The following FLOT1 variants were observed in gnomAD, a reference collection of about 807,000 sequenced individuals.
The protein encoded by FLOT1 is flotillin-1.
In FLOT1, 40 loss-of-function variants were observed where a neutral mutation model predicts 58.4. That is an observed-to-expected ratio of 0.69 (90% CI 0.53 to 0.89). The LOEUF (loss-of-function observed/expected upper bound fraction) is 0.89. FLOT1 is among the 40% of genes least tolerant of loss of function. The pLI is 0.00. For synonymous variants in FLOT1, 178 were observed against 204.2 expected (o/e 0.87, Z 1.09); for missense variants, 423 against 540.8 (o/e 0.78, Z 2.16).
rs917185940 is a variant in FLOT1 at position 30,740,416 on chromosome 6, T to G, written c.570+80A>C. The G allele has an allele frequency of 4.8e-5, 77 of 1,589,504 alleles. No homozygotes were observed. In the Admixed American group the frequency reaches 1.3e-3, roughly 26 times the overall value. ...CTCTTTCTGCCTCATGTATTTTCCC[T>G]GCTCACCCAGCACCCCTGCTTCTTC... is the stretch of plus-strand genomic sequence containing the variant. On this transcript the variant is annotated intron_variant, in intron 7 of 12. Transcript: ENST00000376389.
chr6:30,741,631 C>T lies in FLOT1; in HGVS notation c.193G>A (p.Val65Ile). The part of the protein sequence containing the change: ...VYTRHGVPIS[V>I]TGIAQVKIQG... ...AGCTTCACCTGGGCAATGCCAGTGA[C>T]TGAGATGGGGACCCCATGGCGAGTG... The change falls in exon 4 of 13, where the codon GTC becomes ATC. Residue 65 changes from valine (V) to isoleucine (I), a missense_variant. By Grantham distance (29) the Val-to-Ile change is conservative. Coordinates refer to ENST00000376389, the MANE Select transcript of FLOT1 (RefSeq NM_005803.4). The surrounding 1 kb of genome is among the most constrained non-coding windows in gnomAD (Gnocchi z 5.9). 6.2e-7 allele frequency: 1 copy of T among 1,612,338 alleles called. No individual in the cohort carries two copies. Among genetic ancestry groups the T allele is most frequent in the Non-Finnish European group, 8.5e-7 (1 of 1,179,662 alleles).
chr6:30,741,123 C>G lies in FLOT1; in HGVS notation c.354+67G>C. The G allele has an allele frequency of 6.4e-7, 1 of 1,563,872 alleles. No homozygotes were observed. Among genetic ancestry groups the G allele is most frequent in the Non-Finnish European group, 8.8e-7 (1 of 1,140,474 alleles). On this transcript the variant is annotated intron_variant, in intron 5 of 12. Coordinates refer to ENST00000376389, the MANE Select transcript of FLOT1 (RefSeq NM_005803.4). This position sits in a 1 kb window ranked among gnomAD's most constrained non-coding sequence, Gnocchi z 5.9. Reference sequence around the variant, plus strand: ...TCTTGGATCCACTGTCTCTCACAGACTAGTGTGGGCCTTGGGCCCCCCTCA... The same window carrying G: ...TCTTGGATCCACTGTCTCTCACAGAGTAGTGTGGGCCTTGGGCCCCCCTCA...
Position 30,741,854 on chromosome 6 carries a change from G to A in FLOT1, c.57C>T (p.Ser19=). 2 of 1,612,626 alleles carry A rather than the reference G, an allele frequency of 1.2e-6. No individual in the cohort carries two copies. Among genetic ancestry groups the A allele is most frequent in the East Asian group, 4.5e-5 (2 of 44,894 alleles). Residue 19 remains serine (S), a synonymous_variant, in exon 3 of 13, where the codon AGC becomes AGT. Transcript: ENST00000376389. The surrounding 1 kb of genome is among the most constrained non-coding windows in gnomAD (Gnocchi z 5.9). ...GCCCTCCAGCCACCATGACTGGGGGGCTTCGGCAGAACCCTGCAAGGTGTG... is the reference window on the plus strand; with the variant it reads ...GCCCTCCAGCCACCATGACTGGGGGACTTCGGCAGAACCCTGCAAGGTGTG... The part of the protein sequence containing the change: ...EAMVVSGFCR[S]PPVMVAGGRV...
At chr6:30,740,834 G>GTTTTTTTTTT in intron 5 of FLOT1, 36 bp from the exon 6 acceptor site, 23 of 1,313,900 alleles carry the variant, frequency 1.8e-5, no homozygotes, top group East Asian at 2.8e-5. Context: ...AGGGATGTAA[G>GTTTTTTTTTT]TTTTTTTTTT....
intron 11 of FLOT1, 44 bp downstream of exon 11, chr6:30,730,382 CCT>C: frequency 6.5e-7 from 1 of 1,538,034 alleles, no homozygotes; most frequent in African/African-American, 1.4e-5. Context: ...CCCCTTAGTC[CCT>C]GGTTCTATTT....
chr6:30,730,567 T>A lies in FLOT1; in HGVS notation c.952-2A>T. ...AAAGGCCTCAGCTTCCCCACGCATC[T>A]GAGGGTTAAGGATGCTTGTGAGATT... On this transcript the variant is annotated splice_acceptor_variant, in intron 10 of 12. Transcript: ENST00000376389. LOFTEE classifies it high-confidence loss of function. The A allele has an allele frequency of 6.2e-7, 1 of 1,612,218 alleles. No individual in the cohort carries two copies. Among genetic ancestry groups the A allele is most frequent in the South Asian group, 1.1e-5 (1 of 90,966 alleles).
In FLOT1 at chr6:30,742,358, A is replaced by G. The variant is rs10947089; in HGVS notation, c.-14-155T>C. The G allele has an allele frequency of 0.052, 33,937 of 647,380 alleles. 1,591 individuals carry two copies. Among genetic ancestry groups the G allele is most frequent in the African/African-American group, 0.16 (8,561 of 54,416 alleles). The allele number at this position is 647,380 out of a possible 1,614,324, so 40.1% of individuals were successfully genotyped here. A position where few individuals can be genotyped will look rare whatever the true frequency, so the allele number is the denominator to read the frequency against. Reference sequence around the variant, plus strand: ...CATGGGTCCGCTAAGGCTTTTCCCTACAAAATCCTTAAGATCCCCAGCTAC... The same window carrying G: ...CATGGGTCCGCTAAGGCTTTTCCCTGCAAAATCCTTAAGATCCCCAGCTAC... On this transcript the variant is annotated intron_variant, in intron 1 of 12. Transcript: ENST00000376389. This position sits in a 1 kb window ranked among gnomAD's most constrained non-coding sequence, Gnocchi z 5.2.
At chr6:30,730,857 A>C (rs1777127627) in intron 9 of FLOT1, 62 bp downstream of exon 9, 2 of 1,602,108 alleles carry the variant, frequency 1.2e-6, no homozygotes, top group Non-Finnish European at 8.5e-7. Flanking sequence ...AGGCTTCAGC[A>C]CTCCATCTTG....
At chr6:30,729,574 C>T (rs907289971) in intron 12 of FLOT1, among the ~76,000 whole-genome samples, 4 of 152,274 alleles carry the variant, frequency 2.6e-5, no homozygotes, top group Admixed American at 1.3e-4. Context: ...AGCTAGGATT[C>T]GCAACAAAAC....
chr6:30,737,246 G>GTCCGTCCGTCCGTCCA lies in FLOT1; in HGVS notation c.723+2911_723+2912insTGGACGGACGGACGGA, dbSNP rs1554208614. The stretch of plus-strand genomic sequence containing the variant: ...CGTCCGTCCGTCCGTCCGTCCGTCC[G>GTCCGTCCGTCCGTCCA]TCCATCCGTCCATCCATCCATCCAT... On this transcript the variant is annotated intron_variant, in intron 8 of 12. Transcript: ENST00000376389. This position sits in a 1 kb window ranked among gnomAD's most constrained non-coding sequence, Gnocchi z 4.4. Among the ~76,000 whole-genome samples the GTCCGTCCGTCCGTCCA allele has an allele frequency of 2.1e-5, 3 of 145,398 alleles. No homozygotes were observed. The highest frequency in any genetic ancestry group is 7.7e-5 in the African/African-American group (3 of 38,996).
chr6:30,740,924 T>C, intron 5 of FLOT1, 126 bp from the exon 6 acceptor site: 1 of 1,353,696 alleles, frequency 7.4e-7, no homozygotes, highest in Non-Finnish European at 9.8e-7. Flanking sequence ...GTAGCTGGGA[T>C]TACCGACACC....
chr6:30,728,020 A>G lies in FLOT1; in HGVS notation c.*96T>C. ...GATGAGGGGTGGGACCTCACTGTCA[A>G]TGGACATGCTCAGGGAGGCCAGTGG... On this transcript the variant is annotated 3_prime_UTR_variant, in exon 13 of 13. Coordinates refer to ENST00000376389, the MANE Select transcript of FLOT1 (RefSeq NM_005803.4). The G allele has an allele frequency of 3.5e-6, 4 of 1,148,696 alleles. No homozygotes were observed. The South Asian group carries it at 3.7e-5, about 11-fold the overall frequency. 71.2% of individuals were successfully genotyped at this position (1,148,696 alleles called of 1,614,324 possible). A position where few individuals can be genotyped will look rare whatever the true frequency, so the allele number is the denominator to read the frequency against.
In FLOT1 at chr6:30,737,242, G is replaced by GTCCATCCATCCATCCATCCATCCATCCA. The variant is rs146050958; in HGVS notation, c.723+2915_723+2916insTGGATGGATGGATGGATGGATGGATGGA. Among the ~76,000 whole-genome samples the GTCCATCCATCCATCCATCCATCCATCCA allele has an allele frequency of 3.4e-5, 5 of 145,848 alleles. No individual in the cohort carries two copies. Among genetic ancestry groups the GTCCATCCATCCATCCATCCATCCATCCA allele is most frequent in the Admixed American group, 1.4e-4 (2 of 14,572 alleles). ...CGTCCGTCCGTCCGTCCGTCCGTCC[G>GTCCATCCATCCATCCATCCATCCATCCA]TCCGTCCATCCGTCCATCCATCCAT... is the stretch of plus-strand genomic sequence containing the variant. On this transcript the variant is annotated intron_variant, in intron 8 of 12. Coordinates refer to ENST00000376389, the MANE Select transcript of FLOT1 (RefSeq NM_005803.4). This position sits in a 1 kb window ranked among gnomAD's most constrained non-coding sequence, Gnocchi z 4.4.
Position 30,741,342 on chromosome 6 carries a change from A to G in FLOT1, c.211-9T>C, listed in dbSNP as rs1777964253. 1 of 1,612,938 alleles carries G rather than the reference A, an allele frequency of 6.2e-7. No homozygotes were observed. The highest frequency in any genetic ancestry group is 1.7e-5 in the Admixed American group (1 of 60,000). ...TGCCCCTGGATTTTTACCTGTAGCC[A>G]GAGTAGGGGTAGGAAAGGTGTGGTG... On this transcript the variant is annotated splice_polypyrimidine_tract_variant and intron_variant, in intron 4 of 12. Coordinates refer to ENST00000376389, the MANE Select transcript of FLOT1 (RefSeq NM_005803.4). The surrounding 1 kb of genome is among the most constrained non-coding windows in gnomAD (Gnocchi z 5.9).
chr6:30,738,414 C>G (rs1777738404), intron 8 of FLOT1, among the ~76,000 whole-genome samples: 1 of 152,172 alleles, frequency 6.6e-6, no homozygotes, highest in Non-Finnish European at 1.5e-5. Context: ...ATATTGCTAT[C>G]CTTTGGGTAA....
intron 8 of FLOT1, 43 bp downstream of exon 8, chr6:30,740,115 G>A (rs771766828): frequency 1.3e-6 from 2 of 1,598,474 alleles, no homozygotes; most frequent in South Asian, 1.1e-5. Flanking sequence ...CAGCCTGAGA[G>A]GAATGGGGAA....
intron 12 of FLOT1, 85 bp from the exon 13 acceptor site, chr6:30,728,230 T>C: frequency 8.8e-7 from 1 of 1,141,820 alleles, no homozygotes; most frequent in East Asian, 2.3e-5. Context: ...TTTAGACGAA[T>C]GGGCTATAGG....
chr6:30,731,120 C>G lies in FLOT1; in HGVS notation c.724-20G>C, dbSNP rs750291838. The G allele has an allele frequency of 6.3e-7, 1 of 1,581,036 alleles. No individual in the cohort carries two copies. Among genetic ancestry groups the G allele is most frequent in the Non-Finnish European group, 8.6e-7 (1 of 1,163,942 alleles). On this transcript the variant is annotated intron_variant, in intron 8 of 12. Transcript: ENST00000376389. The stretch of plus-strand genomic sequence containing the variant: ...GGCCACCTGGGTAGGAGGGTGAAGT[C>G]AGGTTCACGCTCTGAGTCAGAGGTG...
At chr6:30,738,492 T>C (rs919696240) in intron 8 of FLOT1, among the ~76,000 whole-genome samples, 1 of 152,228 alleles carries the variant, frequency 6.6e-6, no homozygotes, top group African/African-American at 2.4e-5. Context: ...CCATGAATGC[T>C]GAATTAGTTA....
Sources: allele counts gnomAD v4.1 joint callset (sites outside exome capture counted in the v4.1 genomes callset), GRCh38; gene constraint gnomAD v4.1.1; non-coding constraint Gnocchi (gnomAD v3.1); transcripts MANE v1.5; gene names NCBI Gene and HGNC (gene_info 2026-07-23, HGNC 2026-07-21).